The following NPFFR2 variants were observed in gnomAD, a reference collection of about 807,000 sequenced individuals.
NPFFR2 encodes the protein G-protein coupled receptor 74.
A neutral mutation model predicts 13.1 loss-of-function variants in NPFFR2; 15 were observed. The ratio of observed to expected loss-of-function variants is 1.15; its 90% confidence interval spans 0.77 to 1.76. NPFFR2 has a LOEUF of 1.76. Ranked by LOEUF, NPFFR2 falls within the 40% of genes most tolerant of loss-of-function variation. The pLI is 0.00. For missense variants in NPFFR2, 572 were observed against 503.5 expected, an observed-to-expected ratio of 1.14 and a Z score of -1.30; for synonymous variants, 190 against 175.7, an observed-to-expected ratio of 1.08 and a Z score of -0.65.
rs1216927278 is a variant in NPFFR2 at position 72,147,687 on chromosome 4, G to T, written c.1138G>T (p.Val380Phe). 6 of 1,613,944 alleles carry T rather than the reference G, an allele frequency of 3.7e-6. No individual in the cohort carries two copies. Among genetic ancestry groups the T allele is most frequent in the Admixed American group, 1.7e-5 (1 of 59,968 alleles). Residue 380 changes from valine to phenylalanine, a missense_variant, in exon 4 of 4, where the codon GTC (valine) becomes TTC (phenylalanine). Val to Phe is a conservative substitution (Grantham distance 50, BLOSUM62 -1). Coordinates refer to ENST00000308744, the MANE Select transcript of NPFFR2 (RefSeq NM_004885.3). ...GCTCATAAACACATCTAATCAGCTT[G>T]TCCAGGAATCTACATTTCAAAACCC... is the stretch of plus-strand genomic sequence containing the variant. ...HVLINTSNQL[V>F]QESTFQNPHG...
intron 3 of NPFFR2, among the ~76,000 whole-genome samples, chr4:72,143,260 A>T (rs1407880872): frequency 2.0e-5 from 3 of 152,184 alleles, no homozygotes; most frequent in African/African-American, 7.2e-5. Flanking sequence ...GAAAACTGAG[A>T]AATCTCAGAA....
intron 1 of NPFFR2, among the ~76,000 whole-genome samples, chr4:72,117,896 C>G (rs1721756863): frequency 2.0e-5 from 3 of 152,140 alleles, no homozygotes; most frequent in Non-Finnish European, 1.5e-5. Flanking sequence ...ACCACACATA[C>G]TTTGCTTGTG....
chr4:72,140,216 G>C (rs1056272665), intron 3 of NPFFR2, among the ~76,000 whole-genome samples: 35 of 152,186 alleles, frequency 2.3e-4, no homozygotes, highest in African/African-American at 7.2e-4. Flanking sequence ...GGAACAATTT[G>C]ACTTCCTCCT....
At chr4:72,067,049 AG>A (rs35521590) in intron 1 of NPFFR2, among the ~76,000 whole-genome samples, 136,695 of 151,952 alleles carry the variant, frequency 0.9, 62,450 homozygotes, top group Non-Finnish European at 0.98. Context: ...CATGAGCAAC[AG>A]TCCTCTCCCT....
intron 2 of NPFFR2, 59 bp downstream of exon 2, chr4:72,128,978 A>T: frequency 7.8e-7 from 1 of 1,288,804 alleles, no homozygotes; most frequent in Non-Finnish European, 1.1e-6. Context: ...ATATTTCAGC[A>T]GCCATTGGCA....
chr4:72,099,998 C>A (rs1200086990), intron 1 of NPFFR2, among the ~76,000 whole-genome samples: 1 of 152,076 alleles, frequency 6.6e-6, no homozygotes, highest in Non-Finnish European at 1.5e-5. Context: ...CTCTAAAAAT[C>A]ATTTTGTACA....
At chr4:72,082,333 G>A (rs185951966) in intron 1 of NPFFR2, among the ~76,000 whole-genome samples, 5 of 152,130 alleles carry the variant, frequency 3.3e-5, no homozygotes, top group African/African-American at 4.8e-5. Context: ...AAGCCAAGGG[G>A]CTAGGTATAT....
At chr4:72,140,655 A>C (rs1269822359) in intron 3 of NPFFR2, among the ~76,000 whole-genome samples, 2 of 152,026 alleles carry the variant, frequency 1.3e-5, no homozygotes, top group African/African-American at 4.8e-5. Context: ...GCTGGATTCT[A>C]TTTGCCAGTA....
At chr4:72,041,418 T>G (rs1719217380) in intron 1 of NPFFR2, among the ~76,000 whole-genome samples, 1 of 152,238 alleles carries the variant, frequency 6.6e-6, no homozygotes, top group African/African-American at 2.4e-5. Context: ...CCTGGGTTGA[T>G]TTCATGTCTT....
At chr4:72,039,447 A>G in intron 1 of NPFFR2, 2 of 940,836 alleles carry the variant, frequency 2.1e-6, no homozygotes, top group South Asian at 4.9e-5. Context: ...ATTATGTTAG[A>G]TTTTTCTCTA....
chr4:72,075,970 C>CAT (rs1720415927), intron 1 of NPFFR2, among the ~76,000 whole-genome samples: 3 of 12,868 alleles, frequency 2.3e-4, no homozygotes, highest in South Asian at 0.017. Flanking sequence ...CACACACACA[C>CAT]ACACATACAC....
chr4:72,043,972 T>C (rs1326888450), intron 1 of NPFFR2, among the ~76,000 whole-genome samples: 2 of 152,120 alleles, frequency 1.3e-5, no homozygotes, highest in Admixed American at 1.3e-4. Context: ...CCACGTGTAA[T>C]GAAGGAGATG....
intron 1 of NPFFR2, among the ~76,000 whole-genome samples, chr4:72,069,471 A>G (rs139860588): frequency 2.0e-5 from 3 of 152,292 alleles, no homozygotes; most frequent in African/African-American, 7.2e-5. Context: ...ACCAAAGTCC[A>G]ACCGGAAAAA....
chr4:72,052,976 A>G (rs1438606910), intron 1 of NPFFR2, among the ~76,000 whole-genome samples: 3 of 151,868 alleles, frequency 2.0e-5, no homozygotes, highest in Non-Finnish European at 4.4e-5. Flanking sequence ...CCTTGCTTCA[A>G]GTTGTCCTGC....
intron 3 of NPFFR2, among the ~76,000 whole-genome samples, chr4:72,140,776 T>A (rs1434103355): frequency 5.9e-5 from 9 of 152,184 alleles, no homozygotes; most frequent in African/African-American, 1.9e-4. Flanking sequence ...GCTGGCCTCA[T>A]AAAATGAGTT....
intron 1 of NPFFR2, among the ~76,000 whole-genome samples, chr4:72,069,992 A>G (rs537786788): frequency 1.3e-5 from 2 of 152,298 alleles, no homozygotes; most frequent in South Asian, 4.1e-4. Flanking sequence ...TAACAAGCAT[A>G]TGACTAAAAC....
chr4:72,062,076 C>G (rs377581242), intron 1 of NPFFR2, among the ~76,000 whole-genome samples: 1 of 32,336 alleles, frequency 3.1e-5, no homozygotes, highest in African/African-American at 5.6e-5. Flanking sequence ...CTTTGGTACT[C>G]AATTTTTTTT....
chr4:72,107,516 A>G (rs1390381273), intron 1 of NPFFR2, among the ~76,000 whole-genome samples: 1 of 151,692 alleles, frequency 6.6e-6, no homozygotes, highest in African/African-American at 2.4e-5. Context: ...TTTTCCCTTA[A>G]ATTGGGATAC....
chr4:72,046,676 G>A (rs555485213), intron 1 of NPFFR2, among the ~76,000 whole-genome samples: 3 of 152,308 alleles, frequency 2.0e-5, no homozygotes, highest in African/African-American at 7.2e-5. Flanking sequence ...ATAATGGGTA[G>A]AGGCTGGAAG....
Sources: gnomAD v4.1 joint callset for allele counts (sites outside exome capture counted in the v4.1 genomes callset) on GRCh38, gnomAD v4.1.1 for gene constraint, MANE v1.5 for transcripts, NCBI Gene and HGNC (gene_info 2026-07-23, HGNC 2026-07-21) for gene names.